ARHGAP24: variants seen among roughly 807,000 people sequenced by gnomAD.
ARHGAP24 encodes Rho GTPase activating protein 24.
A neutral mutation model predicts 76.4 loss-of-function variants in ARHGAP24; 50 were observed. The ratio of observed to expected loss-of-function variants is 0.65; its 90% CI spans 0.52 to 0.83. The LOEUF (loss-of-function observed/expected upper bound fraction) is 0.83, where lower values mean the gene tolerates loss of function less well. ARHGAP24 is among the 40% of genes least tolerant of loss of function. The pLI is 0.00. For synonymous variants in ARHGAP24, 345 were observed against 323.3 expected, an observed-to-expected ratio of 1.07 and a Z score of -0.72; for missense variants, 930 against 914.2, an observed-to-expected ratio of 1.02 and a Z score of -0.22.
At chr4:85,628,565 C>T (rs1377110440) in intron 2 of ARHGAP24, among the ~76,000 whole-genome samples, 3 of 152,142 alleles carry the variant, frequency 2.0e-5, no homozygotes, top group Non-Finnish European at 2.9e-5. Flanking sequence ...GATTTTCTGT[C>T]TGGATAATCT....
chr4:85,996,504 G>A (rs2148872772), intron 9 of ARHGAP24, among the ~76,000 whole-genome samples: 1 of 152,264 alleles, frequency 6.6e-6, no homozygotes, highest in African/African-American at 2.4e-5. Context: ...TCCTCAGTTG[G>A]TTGTTAAGTT....
intron 2 of ARHGAP24, among the ~76,000 whole-genome samples, chr4:85,607,174 C>G (rs2109992452): frequency 6.6e-6 from 1 of 152,218 alleles, no homozygotes; most frequent in East Asian, 1.9e-4. Context: ...ATAATAGAGT[C>G]TGTATCAGGG....
intron 2 of ARHGAP24, among the ~76,000 whole-genome samples, chr4:85,665,659 T>C (rs1452166488): frequency 1.3e-5 from 2 of 152,346 alleles, no homozygotes; most frequent in Admixed American, 6.5e-5. Context: ...GTACCGGTTT[T>C]TCCTTTCCAT....
chr4:85,522,242 G>T (rs1724805362), intron 1 of ARHGAP24, among the ~76,000 whole-genome samples: 1 of 152,080 alleles, frequency 6.6e-6, no homozygotes, highest in South Asian at 2.1e-4. Context: ...CCATTGTGAA[G>T]ATAAATATAC....
At chr4:85,805,268 TC>T (rs757228030) in intron 3 of ARHGAP24, among the ~76,000 whole-genome samples, 4 of 152,058 alleles carry the variant, frequency 2.6e-5, no homozygotes, top group Non-Finnish European at 5.9e-5. Context: ...CACCACCCAT[TC>T]CCCTTGCGTC....
chr4:85,867,994 C>T, intron 3 of ARHGAP24, among the ~76,000 whole-genome samples: 1 of 151,122 alleles, frequency 6.6e-6, no homozygotes, highest in Non-Finnish European at 1.5e-5. Context: ...GGTGAAAGAT[C>T]ATGACCTGTG....
chr4:85,528,292 T>C (rs894399714), intron 1 of ARHGAP24, among the ~76,000 whole-genome samples: 8 of 152,098 alleles, frequency 5.3e-5, no homozygotes, highest in Admixed American at 3.3e-4. Context: ...TAGGGCTGCA[T>C]AGAAGGCAAG....
At chr4:85,757,370 CG>C (rs1726549022) in intron 3 of ARHGAP24, among the ~76,000 whole-genome samples, 1 of 151,884 alleles carries the variant, frequency 6.6e-6, no homozygotes, top group Admixed American at 6.6e-5. Context: ...TCCCCTCTCC[CG>C]CAACCCCACG....
chr4:85,715,061 T>G (rs796622278), intron 2 of ARHGAP24, among the ~76,000 whole-genome samples: 1 of 152,258 alleles, frequency 6.6e-6, no homozygotes, highest in African/African-American at 2.4e-5. Flanking sequence ...AATACCTATG[T>G]TACAGAGTAA....
At chr4:85,630,256 G>A (rs1578093257) in intron 2 of ARHGAP24, among the ~76,000 whole-genome samples, 1 of 152,024 alleles carries the variant, frequency 6.6e-6, no homozygotes, top group African/African-American at 2.4e-5. Flanking sequence ...TGTTTTCCTG[G>A]TATCATTTAA....
chr4:85,902,397 T>C (rs1168305542), intron 3 of ARHGAP24, among the ~76,000 whole-genome samples: 3 of 152,188 alleles, frequency 2.0e-5, no homozygotes, highest in South Asian at 2.1e-4. Flanking sequence ...AATGGTTGCA[T>C]TGAGTGGACC....
At chr4:85,602,064 G>A (rs532502746) in intron 2 of ARHGAP24, among the ~76,000 whole-genome samples, 7 of 152,244 alleles carry the variant, frequency 4.6e-5, no homozygotes, top group South Asian at 2.1e-4. Flanking sequence ...TAAGACTTAC[G>A]GAAGATAGCC....
chr4:85,888,805 G>A (rs1560697671), intron 3 of ARHGAP24, among the ~76,000 whole-genome samples: 1 of 151,982 alleles, frequency 6.6e-6, no homozygotes, highest in Non-Finnish European at 1.5e-5. Context: ...ACCCCAGTGT[G>A]TGTTGTTCCA....
At chr4:85,893,907 C>G (rs1360323332) in intron 3 of ARHGAP24, among the ~76,000 whole-genome samples, 1 of 120,920 alleles carries the variant, frequency 8.3e-6, no homozygotes, top group Non-Finnish European at 1.6e-5. Flanking sequence ...AATGAGATCA[C>G]ATGGACACAG....
In ARHGAP24 at chr4:85,921,892, G is replaced by A. The variant is rs75108300; in HGVS notation, c.269-1756G>A. On this transcript the variant is annotated intron_variant, in intron 3 of 9. Coordinates refer to ENST00000395184, the MANE Select transcript of ARHGAP24 (RefSeq NM_001025616.3). ...ACGCCTGATGATCTAAGGTGGAACA[G>A]TTCCATTCCGAAACCATCCCCCCCC... is the stretch of plus-strand genomic sequence containing the variant. Among the ~76,000 whole-genome samples, 25 of 152,180 alleles carry A rather than the reference G, an allele frequency of 1.6e-4. No homozygotes were observed. The East Asian group carries it at 4.5e-3, about 27-fold the overall frequency.
At chr4:85,739,440 T>A (rs1465385679) in intron 3 of ARHGAP24, among the ~76,000 whole-genome samples, 1 of 152,214 alleles carries the variant, frequency 6.6e-6, no homozygotes, top group African/African-American at 2.4e-5. Flanking sequence ...CTGTCTCCTG[T>A]TTCTTCTCAT....
Position 85,721,958 on chromosome 4 carries a change from T to A in ARHGAP24, c.254T>A (p.Phe85Tyr), listed in dbSNP as rs768207696. Reference sequence around the variant, plus strand: ...GAAGAGAACCCAGGGAAGTTCCTTTTTGAAGTAGTTCCAGGTAAGATATTT... The same window carrying A: ...GAAGAGAACCCAGGGAAGTTCCTTTATGAAGTAGTTCCAGGTAAGATATTT... ...CNEENPGKFL[F>Y]EVVPGGDRDR... Residue 85 changes from phenylalanine (F) to tyrosine (Y), a missense_variant, in exon 3 of 10, where the codon TTT (phenylalanine) becomes TAT (tyrosine). Transcript: ENST00000395184. 1.2e-6 allele frequency: 2 copies of A among 1,613,218 alleles called. No homozygotes were observed. The highest frequency in any genetic ancestry group is 1.3e-5 in the African/African-American group (1 of 74,988).
chr4:85,930,789 T>C, intron 4 of ARHGAP24: 2 of 1,468,788 alleles, frequency 1.4e-6, no homozygotes, highest in Non-Finnish European at 1.8e-6. Flanking sequence ...AGCCAGGACC[T>C]GGATGATCAA....
intron 3 of ARHGAP24, among the ~76,000 whole-genome samples, chr4:85,740,384 T>C (rs904826840): frequency 6.6e-6 from 1 of 151,852 alleles, no homozygotes; most frequent in African/African-American, 2.4e-5. Context: ...CTCCATGCCC[T>C]GCTAATTTTT....
Sources: allele counts gnomAD v4.1 joint callset (sites outside exome capture counted in the v4.1 genomes callset), GRCh38; gene constraint gnomAD v4.1.1; transcripts MANE v1.5; gene names NCBI Gene and HGNC (gene_info 2026-07-23, HGNC 2026-07-21).